Variants in ZNF365 observed in about 807,000 individuals in gnomAD.
ZNF365 encodes zinc finger protein 365.
A neutral mutation model predicts 35.0 loss-of-function variants in ZNF365; 22 were observed. That is an observed-to-expected ratio of 0.63 (90% confidence interval 0.45 to 0.90). The LOEUF is 0.90. Ranked by LOEUF, ZNF365 falls within the 40% of genes least tolerant of loss-of-function variation. The pLI, the probability that ZNF365 is intolerant of heterozygous loss-of-function variation, is 0.00. For synonymous variants in ZNF365, 188 were observed against 196.2 expected (o/e 0.96, Z 0.35); for missense variants, 448 against 500.3 (o/e 0.90, Z 1.00).
At chr10:62,379,858 C>T (rs534478325) in intron 2 of ZNF365, among the ~76,000 whole-genome samples, 5 of 152,248 alleles carry the variant, frequency 3.3e-5, no homozygotes, top group Non-Finnish European at 5.9e-5. Flanking sequence ...GAGTTGGGCT[C>T]CCCTGCCAAA....
rs1157084086 is a variant in ZNF365 at position 62,445,116 on chromosome 10, T to TA, written c.925-14624dup. 2.0e-5 allele frequency among the ~76,000 whole-genome samples: 3 copies of TA among 151,674 alleles called. No homozygotes were observed. In the East Asian group the frequency reaches 5.8e-4, roughly 29 times the overall value. ...CAAAGGACATGAACTCATCATTTTT[T>TA]ATGGCTGCATAGTATTCCATGGTGT... On this transcript the variant is annotated intron_variant, in intron 3 of 4. Coordinates refer to the ZNF365 transcript ENST00000395255.
intron 3 of ZNF365, among the ~76,000 whole-genome samples, chr10:62,410,371 C>CT (rs1005128240): frequency 1.3e-5 from 2 of 152,064 alleles, no homozygotes; most frequent in Admixed American, 6.6e-5. Flanking sequence ...CTCTCTCTCT[C>CT]TTTTTTTGTC....
chr10:62,440,351 G>T, intron 3 of ZNF365, among the ~76,000 whole-genome samples: 1 of 149,578 alleles, frequency 6.7e-6, no homozygotes, highest in Non-Finnish European at 1.5e-5. Flanking sequence ...TTATCACCCA[G>T]GTATTAAGCC....
intron 4 of ZNF365, among the ~76,000 whole-genome samples, chr10:62,467,638 C>T (rs1280221045): frequency 3.9e-5 from 6 of 152,288 alleles, no homozygotes; most frequent in Middle Eastern, 3.4e-3. Flanking sequence ...CCAAGTTGGA[C>T]TTATATTCCA....
chr10:62,469,171 T>C (rs1283257265), intron 4 of ZNF365, among the ~76,000 whole-genome samples: 1 of 152,220 alleles, frequency 6.6e-6, no homozygotes, highest in Non-Finnish European at 1.5e-5. Context: ...ATCTGCCTAT[T>C]ATAGACTGTT....
At chr10:62,388,111 C>A (rs1224871458) in intron 2 of ZNF365, among the ~76,000 whole-genome samples, 9 of 152,206 alleles carry the variant, frequency 5.9e-5, no homozygotes, top group Non-Finnish European at 1.2e-4. Flanking sequence ...TTATTCACTC[C>A]TTTCCTTCCT....
intron 3 of ZNF365, among the ~76,000 whole-genome samples, chr10:62,428,879 T>C (rs1053439024): frequency 6.6e-6 from 1 of 152,004 alleles, no homozygotes; most frequent in African/African-American, 2.4e-5. Flanking sequence ...AGGGGAGAAG[T>C]GGGGGTGATG....
At chr10:62,380,381 C>G (rs1049399036) in intron 2 of ZNF365, among the ~76,000 whole-genome samples, 3 of 152,116 alleles carry the variant, frequency 2.0e-5, no homozygotes, top group African/African-American at 7.2e-5. Context: ...ATAACATTTT[C>G]TTTAGCTTAC....
chr10:62,471,610 T>G (rs1313459287), intron 4 of ZNF365, among the ~76,000 whole-genome samples: 1 of 152,218 alleles, frequency 6.6e-6, no homozygotes, highest in African/African-American at 2.4e-5. Context: ...TTTATGATTA[T>G]ATGGCTTACT....
At chr10:62,447,649 C>T (rs190685198) in intron 3 of ZNF365, among the ~76,000 whole-genome samples, 47 of 152,336 alleles carry the variant, frequency 3.1e-4, no homozygotes, top group Non-Finnish European at 5.7e-4. Flanking sequence ...GAGTCACATG[C>T]GGTGGCTGCC....
exon 5 of ZNF365, chr10:62,480,202 G>A: frequency 8.9e-7 from 1 of 1,119,836 alleles, no homozygotes; most frequent in Non-Finnish European, 1.1e-6. Flanking sequence ...CAGAACATTT[G>A]TCCCTATGAG....
chr10:62,390,225 A>G (rs1839605049), intron 3 of ZNF365, among the ~76,000 whole-genome samples: 1 of 152,186 alleles, frequency 6.6e-6, no homozygotes, highest in Admixed American at 6.5e-5. Context: ...AGTGCTTTCC[A>G]GGTTGTTTTG....
chr10:62,435,158 G>A, intron 3 of ZNF365, among the ~76,000 whole-genome samples: 1 of 152,130 alleles, frequency 6.6e-6, no homozygotes, highest in East Asian at 1.9e-4. Context: ...TAGTTTATAG[G>A]ACTTGCTGAG....
chr10:62,403,613 G>C (rs1338339608), downstream of ZNF365, among the ~76,000 whole-genome samples: 1 of 152,046 alleles, frequency 6.6e-6, no homozygotes, highest in African/African-American at 2.4e-5. Context: ...AGCTGAGATC[G>C]CGCCACTGCA....
At position 62,399,815 on chromosome 10, in the gene ZNF365, A is replaced by G. The variant is rs375504638; in HGVS notation, c.*26A>G. 2 of 1,589,558 alleles carry G rather than the reference A, an allele frequency of 1.3e-6. No homozygotes were observed. The highest frequency in any genetic ancestry group is 1.4e-5 in the African/African-American group (1 of 73,816). ...AAGGGTGGGTGGTGCTGGACCAATC[A>G]TCGCTGGGCTTTGGGGAACGTTGTT... On this transcript the variant is annotated 3_prime_UTR_variant, in exon 5 of 5. Transcript: ENST00000395254.
chr10:62,407,427 A>G (rs1839921280), downstream of ZNF365, among the ~76,000 whole-genome samples: 1 of 152,192 alleles, frequency 6.6e-6, no homozygotes, highest in African/African-American at 2.4e-5. Context: ...GCTTGCCTGA[A>G]GGACCCCACA....
intron 3 of ZNF365, among the ~76,000 whole-genome samples, chr10:62,430,255 T>A (rs1840313499): frequency 4.2e-3 from 1 of 236 alleles, no homozygotes; most frequent in Admixed American, 0.05. Context: ...TGGAAAAGGT[T>A]TTTTTTTTTT....
At chr10:62,469,704 TAC>T (rs1460714101) in intron 4 of ZNF365, among the ~76,000 whole-genome samples, 1 of 152,188 alleles carries the variant, frequency 6.6e-6, no homozygotes, top group Non-Finnish European at 1.5e-5. Context: ...TGATGATAAA[TAC>T]TATTACTGTG....
chr10:62,383,841 A>G (rs1589427742), intron 2 of ZNF365, among the ~76,000 whole-genome samples: 2 of 152,330 alleles, frequency 1.3e-5, no homozygotes, highest in South Asian at 4.1e-4. Context: ...CCTGTAAATT[A>G]ATGAACGCAT....
Sources: allele counts gnomAD v4.1 joint callset (sites outside exome capture counted in the v4.1 genomes callset), GRCh38; gene constraint gnomAD v4.1.1; transcripts MANE v1.5; gene names NCBI Gene and HGNC (gene_info 2026-07-23, HGNC 2026-07-21).